The following PLXNA4 variants were observed in gnomAD, a reference collection of about 807,000 sequenced individuals.
The protein encoded by PLXNA4 is plexin-A4.
A neutral mutation model predicts 191.8 loss-of-function variants in PLXNA4; 44 were observed. That is an observed-to-expected ratio of 0.23 (90% CI 0.18 to 0.29). The LOEUF (loss-of-function observed/expected upper bound fraction) is 0.29, where lower values mean the gene tolerates loss of function less well. PLXNA4 is among the 10% of genes least tolerant of loss of function. PLXNA4 has a pLI of 1.00. For synonymous variants in PLXNA4, 1,082 were observed against 1,009.5 expected (o/e 1.07, Z -1.36); for missense variants, 1,800 against 2,488.8 (o/e 0.72, Z 5.89).
intron 2 of PLXNA4, among the ~76,000 whole-genome samples, chr7:132,613,737 T>TA (rs1307871067): frequency 6.6e-6 from 1 of 151,326 alleles, no homozygotes; most frequent in Non-Finnish European, 1.5e-5. Flanking sequence ...ATACCTGAAA[T>TA]AAAAAAATAA....
chr7:132,208,964 G>A (rs577397710), intron 10 of PLXNA4, among the ~76,000 whole-genome samples: 1 of 152,296 alleles, frequency 6.6e-6, no homozygotes, highest in African/African-American at 2.4e-5. Context: ...ATTTGGTCAG[G>A]CAGCTCTCGG....
intron 2 of PLXNA4, among the ~76,000 whole-genome samples, chr7:132,496,223 A>G (rs867966660): frequency 6.6e-6 from 1 of 152,028 alleles, no homozygotes; most frequent in South Asian, 2.1e-4. Context: ...TTCACACATC[A>G]TATTTCAGAT....
At chr7:132,226,796 A>C (rs1315087275) in intron 7 of PLXNA4, among the ~76,000 whole-genome samples, 1 of 152,116 alleles carries the variant, frequency 6.6e-6, no homozygotes, top group Non-Finnish European at 1.5e-5. Flanking sequence ...CCCATGTTTA[A>C]TTCACAGCCC....
chr7:132,432,721 T>C (rs1254472364), intron 3 of PLXNA4, among the ~76,000 whole-genome samples: 1 of 152,178 alleles, frequency 6.6e-6, no homozygotes, highest in East Asian at 1.9e-4. Context: ...GATAGTGCGT[T>C]CACTTTTGAA....
At chr7:132,636,191 C>G (rs1803602614) in intron 2 of PLXNA4, among the ~76,000 whole-genome samples, 1 of 152,244 alleles carries the variant, frequency 6.6e-6, no homozygotes, top group African/African-American at 2.4e-5. Context: ...TGCGCAAGAA[C>G]TCCAAGCAAA....
intron 29 of PLXNA4, 87 bp downstream of exon 29, chr7:132,145,032 C>T (rs1222914312): frequency 5.6e-6 from 9 of 1,593,796 alleles, no homozygotes; most frequent in South Asian, 1.1e-5. Flanking sequence ...CAGCCCTTCT[C>T]CTGGAGGCCC....
At chr7:132,339,561 T>TA (rs1057113004) in intron 3 of PLXNA4, among the ~76,000 whole-genome samples, 2 of 152,146 alleles carry the variant, frequency 1.3e-5, no homozygotes, top group Non-Finnish European at 2.9e-5. Context: ...AAGGCATCAA[T>TA]AAAAAAGGGA....
chr7:132,224,589 G>A (rs1403922347), intron 8 of PLXNA4, among the ~76,000 whole-genome samples: 1 of 152,140 alleles, frequency 6.6e-6, no homozygotes, highest in East Asian at 1.9e-4. Flanking sequence ...CCTTGCACAT[G>A]GGAGATGCTT....
chr7:132,301,886 T>A (rs1478637242), intron 3 of PLXNA4, among the ~76,000 whole-genome samples: 2 of 152,266 alleles, frequency 1.3e-5, no homozygotes, highest in East Asian at 1.9e-4. Flanking sequence ...ATTGCCAGAA[T>A]AATCATTCTC....
chr7:132,493,849 T>C (rs1339826971), intron 2 of PLXNA4, among the ~76,000 whole-genome samples: 1 of 152,112 alleles, frequency 6.6e-6, no homozygotes, highest in Non-Finnish European at 1.5e-5. Flanking sequence ...CTAACAGTAC[T>C]GAACCAGAAC....
chr7:132,248,718 T>A (rs1454953036), intron 4 of PLXNA4, among the ~76,000 whole-genome samples: 1 of 152,138 alleles, frequency 6.6e-6, no homozygotes, highest in Non-Finnish European at 1.5e-5. Flanking sequence ...CTCAGGAAGG[T>A]CTAGCCCCTC....
At chr7:132,450,919 T>G (rs1385462575) in intron 3 of PLXNA4, among the ~76,000 whole-genome samples, 1 of 152,164 alleles carries the variant, frequency 6.6e-6, no homozygotes, top group African/African-American at 2.4e-5. Flanking sequence ...CAAGGTCCTC[T>G]GCAGGGGTGG....
chr7:132,271,498 C>A (rs909352264), intron 4 of PLXNA4, among the ~76,000 whole-genome samples: 7 of 151,808 alleles, frequency 4.6e-5, no homozygotes, highest in Middle Eastern at 3.5e-3. Context: ...TTACTGGTAC[C>A]TAGCTTTATT....
chr7:132,234,596 TTGTG>T (rs60249306), intron 5 of PLXNA4, among the ~76,000 whole-genome samples: 1,650 of 144,238 alleles, frequency 0.011, 27 homozygotes, highest in African/African-American at 0.04. Flanking sequence ...AGCATGTGTT[TTGTG>T]TGTGTGTGTG....
At chr7:132,450,059 T>C (rs987390379) in intron 3 of PLXNA4, among the ~76,000 whole-genome samples, 2 of 152,204 alleles carry the variant, frequency 1.3e-5, no homozygotes. Context: ...GAGTCCCCTC[T>C]GTCCTCCAGG....
chr7:132,452,066 G>C (rs1187101765), intron 3 of PLXNA4, among the ~76,000 whole-genome samples: 3 of 152,250 alleles, frequency 2.0e-5, no homozygotes, highest in Admixed American at 6.5e-5. Context: ...ACACACAAGA[G>C]TTTCTTGCCC....
At chr7:132,545,370 G>C (rs997348050) in intron 1 of PLXNA4, among the ~76,000 whole-genome samples, 1 of 152,188 alleles carries the variant, frequency 6.6e-6, no homozygotes, top group Non-Finnish European at 1.5e-5. Flanking sequence ...GCTCCCTGTG[G>C]GTTGGGCCAT....
chr7:132,250,860 C>A (rs145657999), intron 4 of PLXNA4, among the ~76,000 whole-genome samples: 1 of 152,186 alleles, frequency 6.6e-6, no homozygotes, highest in Admixed American at 6.5e-5. Flanking sequence ...ATTTGATACC[C>A]AGTCCCTAGA....
At chr7:132,335,228 G>A (rs10272273) in intron 3 of PLXNA4, among the ~76,000 whole-genome samples, 32,317 of 152,100 alleles carry the variant, frequency 0.21, 3,476 homozygotes, top group East Asian at 0.24. Flanking sequence ...CACAGGGCTC[G>A]TGAGCCATAT....
Sources: allele counts gnomAD v4.1 joint callset (sites outside exome capture counted in the v4.1 genomes callset), GRCh38; gene constraint gnomAD v4.1.1; transcripts MANE v1.5; gene names NCBI Gene and HGNC (gene_info 2026-07-23, HGNC 2026-07-21).